The following XYLT1 variants were observed in gnomAD, a reference collection of about 807,000 sequenced individuals.
The protein encoded by XYLT1 is xylosyltransferase 1.
Under a neutral mutation model 91.3 loss-of-function variants are expected in XYLT1, and 36 were observed. The ratio of observed to expected loss-of-function variants is 0.39; its 90% CI spans 0.30 to 0.52. The LOEUF (loss-of-function observed/expected upper bound fraction) is 0.52. XYLT1 is among the 20% of genes least tolerant of loss of function. The pLI, the probability that XYLT1 is intolerant of heterozygous loss-of-function variation, is 0.68. For synonymous variants in XYLT1, 588 were observed against 532.0 expected (o/e 1.11, Z -1.45); for missense variants, 1,242 against 1,284.5 (o/e 0.97, Z 0.51).
chr16:17,310,670 G>A (rs911476346), intron 2 of XYLT1, among the ~76,000 whole-genome samples: 8 of 152,248 alleles, frequency 5.3e-5, no homozygotes, highest in South Asian at 4.1e-4. Flanking sequence ...CTAACATGGC[G>A]AAACCCCATC....
At chr16:17,332,567 TACACACACACACACAC>T (rs60919228) in intron 2 of XYLT1, among the ~76,000 whole-genome samples, 9 of 137,900 alleles carry the variant, frequency 6.5e-5, no homozygotes, top group East Asian at 4.5e-4. Flanking sequence ...ATCACACACA[TACACACACACACACAC>T]ACACACACAC....
chr16:17,221,695 C>T (rs992321780), intron 3 of XYLT1, among the ~76,000 whole-genome samples: 4 of 152,082 alleles, frequency 2.6e-5, no homozygotes, highest in Non-Finnish European at 5.9e-5. Context: ...GCTATGATCA[C>T]GCCACTGTAC....
At chr16:17,151,852 G>T (rs2031291854) in intron 6 of XYLT1, among the ~76,000 whole-genome samples, 2 of 152,260 alleles carry the variant, frequency 1.3e-5, no homozygotes, top group Middle Eastern at 3.4e-3. Flanking sequence ...TACCTGCCTG[G>T]CTTTCTTATA....
intron 3 of XYLT1, among the ~76,000 whole-genome samples, chr16:17,252,600 C>T (rs1359937436): frequency 1.3e-5 from 2 of 152,146 alleles, no homozygotes; most frequent in Admixed American, 1.3e-4. Flanking sequence ...GCTGGGGCTT[C>T]CTTCTAAATC....
chr16:17,327,450 C>A (rs1466964845), intron 2 of XYLT1, among the ~76,000 whole-genome samples: 1 of 150,076 alleles, frequency 6.7e-6, no homozygotes, highest in African/African-American at 2.5e-5. Flanking sequence ...GCAAGCTCCG[C>A]CCCCCGGGTT....
At chr16:17,442,664 C>A (rs778904771) in intron 1 of XYLT1, among the ~76,000 whole-genome samples, 10 of 152,152 alleles carry the variant, frequency 6.6e-5, no homozygotes, top group Non-Finnish European at 1.0e-4. Context: ...AGAGAGGGGG[C>A]AAGGACCACC....
chr16:17,169,996 C>A (rs4780710), intron 5 of XYLT1, among the ~76,000 whole-genome samples: 135,489 of 152,216 alleles, frequency 0.89, 60,365 homozygotes, highest in Middle Eastern at 0.93. Flanking sequence ...TTTCTCTCTG[C>A]TCCTTGCCAC....
chr16:17,421,874 A>G (rs989268156), intron 1 of XYLT1, among the ~76,000 whole-genome samples: 3 of 152,334 alleles, frequency 2.0e-5, no homozygotes, highest in Admixed American at 1.3e-4. Context: ...GTCTCACTCA[A>G]TCACCCAGGC....
intron 2 of XYLT1, among the ~76,000 whole-genome samples, chr16:17,291,529 G>A (rs1249953839): frequency 6.6e-6 from 1 of 152,090 alleles, no homozygotes; most frequent in Non-Finnish European, 1.5e-5. Flanking sequence ...TGGGTGGGGT[G>A]GAACACACCC....
At chr16:17,138,185 GTGCTCAATA>G in intron 8 of XYLT1, 161 bp downstream of exon 8, 4 of 724,300 alleles carry the variant, frequency 5.5e-6, no homozygotes, top group Non-Finnish European at 8.8e-6. Flanking sequence ...CCTGAAGTAA[GTGCTCAATA>G]AACACTGGCT....
intron 11 of XYLT1, among the ~76,000 whole-genome samples, chr16:17,115,015 T>C (rs1229270000): frequency 6.6e-6 from 1 of 152,044 alleles, no homozygotes; most frequent in Non-Finnish European, 1.5e-5. Flanking sequence ...CAGCTAATTT[T>C]TTGTATTTTT....
At chr16:17,141,634 A>G (rs558505512) in intron 6 of XYLT1, among the ~76,000 whole-genome samples, 5 of 152,212 alleles carry the variant, frequency 3.3e-5, no homozygotes, top group African/African-American at 1.2e-4. Context: ...AGCCCAGGGG[A>G]CTTACCCAGC....
At chr16:17,415,098 G>T (rs1302092205) in intron 1 of XYLT1, among the ~76,000 whole-genome samples, 1 of 152,074 alleles carries the variant, frequency 6.6e-6, no homozygotes, top group Non-Finnish European at 1.5e-5. Flanking sequence ...TTCCCATTTT[G>T]CAGAAGGGAA....
chr16:17,204,212 T>C (rs1597189767), intron 3 of XYLT1, among the ~76,000 whole-genome samples: 2 of 152,340 alleles, frequency 1.3e-5, no homozygotes, highest in East Asian at 3.9e-4. Flanking sequence ...AAAAAGGGCT[T>C]GGATGTTGAT....
At chr16:17,405,173 T>C (rs2036016495) in intron 1 of XYLT1, among the ~76,000 whole-genome samples, 1 of 152,256 alleles carries the variant, frequency 6.6e-6, no homozygotes, top group South Asian at 2.1e-4. Flanking sequence ...TGCTGAGGAA[T>C]GAATGTGGCG....
chr16:17,408,293 C>T lies in XYLT1; in HGVS notation c.364-50243G>A, dbSNP rs538759027. ...CAGTGACATACGCTTGGTAAGCAATCATTGAGTGTGAACATATTATAAATT... is the reference window on the plus strand; with the variant it reads ...CAGTGACATACGCTTGGTAAGCAATTATTGAGTGTGAACATATTATAAATT... On this transcript the variant is annotated intron_variant, in intron 1 of 11. Coordinates refer to ENST00000261381, the MANE Select transcript of XYLT1 (RefSeq NM_022166.4). Among the ~76,000 whole-genome samples the T allele has an allele frequency of 2.6e-5, 4 of 152,348 alleles. No homozygotes were observed. The East Asian group carries it at 7.7e-4, about 29-fold the overall frequency.
At chr16:17,116,528 A>G (rs1446368379) in intron 11 of XYLT1, among the ~76,000 whole-genome samples, 2 of 152,212 alleles carry the variant, frequency 1.3e-5, no homozygotes, top group East Asian at 1.9e-4. Flanking sequence ...TCACGGCTGC[A>G]TAGTACTCCA....
intron 1 of XYLT1, among the ~76,000 whole-genome samples, chr16:17,453,807 A>T (rs1362975251): frequency 6.6e-6 from 1 of 152,226 alleles, no homozygotes; most frequent in Non-Finnish European, 1.5e-5. Flanking sequence ...AAAACACCTA[A>T]TTCTGCCAAA....
chr16:17,312,153 G>A lies in XYLT1; in HGVS notation c.402+45859C>T, dbSNP rs908640497. On this transcript the variant is annotated intron_variant, in intron 2 of 11. Transcript: ENST00000261381. This position sits in a 1 kb window ranked among gnomAD's most constrained non-coding sequence, Gnocchi z 4.4. ...GCCGACAGACAAGAGGAAGAGGGGC[G>A]TTCTAGACACACAGCACTGCCCAAG... 2.0e-4 allele frequency among the ~76,000 whole-genome samples: 31 copies of A among 152,148 alleles called. No individual in the cohort carries two copies. Among genetic ancestry groups the A allele is most frequent in the Admixed American group, 1.2e-3 (19 of 15,278 alleles).
Sources: gnomAD v4.1 joint callset for allele counts (sites outside exome capture counted in the v4.1 genomes callset) on GRCh38, gnomAD v4.1.1 for gene constraint, Gnocchi (gnomAD v3.1) non-coding constraint, MANE v1.5 for transcripts, NCBI Gene and HGNC (gene_info 2026-07-23, HGNC 2026-07-21) for gene names.